Variants in DMRTC1 observed in about 807,000 individuals in gnomAD.
The protein encoded by DMRTC1 is doublesex- and mab-3-related transcription factor C1.
For missense variants in DMRTC1, 9 were observed against 34.6 expected (o/e 0.26, Z 1.86); for synonymous variants, 7 against 14.1 (o/e 0.50, Z 1.13).
intron 4 of DMRTC1, 99 bp downstream of exon 4, chrX:72,874,724 CCT>C: frequency 7.2e-6 from 2 of 279,312 alleles, no homozygotes; most frequent in Non-Finnish European, 1.1e-5. Flanking sequence ...TCCACCACCT[CCT>C]CCTCCTCCTC....
At chrX:72,874,619 C>T (rs1305600518) in intron 4 of DMRTC1, among the ~76,000 whole-genome samples, 7 of 96,019 alleles carry the variant, frequency 7.3e-5, no homozygotes, top group African/African-American at 2.4e-4. Flanking sequence ...TGTCCTCGCC[C>T]GTTAGTATTA....
chrX:72,905,751 C>T (rs1385439568), intron 1 of DMRTC1, among the ~76,000 whole-genome samples: 19 of 63,581 alleles, frequency 3.0e-4, no homozygotes, highest in African/African-American at 1.2e-3. Context: ...CCACCCGCCT[C>T]GGCCTCCCAG....
chrX:72,879,147 GTT>G (rs781972795), intron 1 of DMRTC1, among the ~76,000 whole-genome samples: 378 of 12,786 alleles, frequency 0.03, 6 homozygotes, highest in Middle Eastern at 0.083. Flanking sequence ...TTTTTTGTTT[GTT>G]TTTTTTTTTT....
chrX:72,872,672 G>C, intron 6 of DMRTC1, 108 bp from the exon 7 acceptor site: 1 of 979,944 alleles, frequency 1.0e-6, no homozygotes, highest in South Asian at 2.4e-5. Context: ...CTGGACTGTT[G>C]CATAGACCTC....
intron 1 of DMRTC1, chrX:72,913,127 G>C (rs1445709919): frequency 2.8e-5 from 14 of 494,520 alleles, no homozygotes; most frequent in South Asian, 1.1e-4. Flanking sequence ...GCCTCTGCCT[G>C]TCTCACTGGC....
At chrX:72,880,684 T>TTTTC (rs1368052263) in intron 1 of DMRTC1, among the ~76,000 whole-genome samples, 1 of 8,901 alleles carries the variant, frequency 1.1e-4, no homozygotes, top group African/African-American at 2.4e-4. Context: ...GCTTTTTCTC[T>TTTTC]TTTCTTTCTT....
chrX:72,916,475 C>T (rs1326229848), intron 1 of DMRTC1, among the ~76,000 whole-genome samples: 3 of 102,022 alleles, frequency 2.9e-5, no homozygotes, highest in South Asian at 4.5e-4. Context: ...CAGGGTTCCC[C>T]GGTAACAGGG....
rs1207395644 is a variant in DMRTC1, at chrX:72,880,696, C to CTT, written c.-94-4910_-94-4909dup. 1.5e-3 allele frequency among the ~76,000 whole-genome samples: 5 copies of CTT among 3,363 alleles called. 2 individuals are homozygous for CTT. The highest frequency in any genetic ancestry group is 5.7e-3 in the Non-Finnish European group (5 of 878). The allele number at this position is 3,363 out of a possible 115,157, so 2.9% of individuals were successfully genotyped here. A position where few individuals can be genotyped will look rare whatever the true frequency, so the allele number is the denominator to read the frequency against. On this transcript the variant is annotated intron_variant, in intron 1 of 6. Transcript: ENST00000615063. ...TTTGCTTTTTCTCTTTTCTTTCTTTCTTTTTTTTTTTTTTTTTGACGGAGT... is the reference window on the plus strand; with the variant it reads ...TTTGCTTTTTCTCTTTTCTTTCTTTCTTTTTTTTTTTTTTTTTTTGACGGAGT...
chrX:72,912,847 G>A, intron 1 of DMRTC1: 1 of 479,943 alleles, frequency 2.1e-6, no homozygotes, highest in Non-Finnish European at 3.7e-6. Context: ...CATGGAAGAG[G>A]GCCGGAGATG....
chrX:72,876,865 C>CTTT lies in DMRTC1; in HGVS notation c.-94-1080_-94-1078dup, dbSNP rs5902714. Among the ~76,000 whole-genome samples the CTTT allele has an allele frequency of 5.2e-4, 17 of 32,641 alleles. 4 individuals carry two copies. The highest frequency in any genetic ancestry group is 3.2e-3 in the African/African-American group (15 of 4,727). 28.3% of individuals were successfully genotyped at this position (32,641 alleles called of 115,157 possible). A position where few individuals can be genotyped will look rare whatever the true frequency, so the allele number is the denominator to read the frequency against. The stretch of plus-strand genomic sequence containing the variant: ...CATCCCTTCATGCATCCCCCCCGGC[C>CTTT]TTTTTTTTTTTTTTTTTTTTTGAGA... On this transcript the variant is annotated intron_variant, in intron 1 of 6. Transcript: ENST00000615063.
At chrX:72,881,839 C>T (rs1447942502) in intron 1 of DMRTC1, among the ~76,000 whole-genome samples, 3 of 102,382 alleles carry the variant, frequency 2.9e-5, no homozygotes, top group African/African-American at 7.0e-5. Context: ...ACTTTGGGTA[C>T]GAATATTAAG....
intron 1 of DMRTC1, among the ~76,000 whole-genome samples, chrX:72,879,585 A>G (rs1191940480): frequency 2.7e-4 from 21 of 76,519 alleles, no homozygotes; most frequent in African/African-American, 9.2e-4. Flanking sequence ...TGGATCAGTT[A>G]TGGGAGAATC....
At chrX:72,922,412 GA>G (rs1391752393) in intron 1 of DMRTC1, among the ~76,000 whole-genome samples, 4 of 8,750 alleles carry the variant, frequency 4.6e-4, no homozygotes, top group Admixed American at 2.1e-3. Flanking sequence ...TCGTGGAAAT[GA>G]AACAACATGC....
intron 1 of DMRTC1, among the ~76,000 whole-genome samples, chrX:72,916,217 C>T (rs1352454234): frequency 3.7e-5 from 4 of 106,957 alleles, no homozygotes; most frequent in African/African-American, 7.7e-5. Flanking sequence ...TTCCACCATC[C>T]GGATCAAGGT....
At chrX:72,913,226 C>G in intron 1 of DMRTC1, 1 of 899,981 alleles carries the variant, frequency 1.1e-6, no homozygotes, top group Non-Finnish European at 1.6e-6. Context: ...CGAGGGTCCA[C>G]TTGTCACTCT....
At chrX:72,880,092 T>C (rs2054841786) in intron 1 of DMRTC1, among the ~76,000 whole-genome samples, 1 of 15,245 alleles carries the variant, frequency 6.6e-5, no homozygotes, top group Non-Finnish European at 1.4e-4. Context: ...GGTTTCTCCA[T>C]GTTGCCCAGG....
intron 1 of DMRTC1, among the ~76,000 whole-genome samples, chrX:72,887,052 G>T: frequency 1.4e-5 from 1 of 69,638 alleles, no homozygotes; most frequent in Non-Finnish European, 2.5e-5. Context: ...TAAGTTCAGA[G>T]ATACATGTGC....
At chrX:72,886,983 T>A (rs1382344966) in intron 1 of DMRTC1, among the ~76,000 whole-genome samples, 2 of 108,808 alleles carry the variant, frequency 1.8e-5, no homozygotes, top group Non-Finnish European at 3.8e-5. Context: ...AGATACTTTT[T>A]TTTTTTTGTA....
chrX:72,916,268 A>G (rs1163516962), intron 1 of DMRTC1, among the ~76,000 whole-genome samples: 1 of 109,114 alleles, frequency 9.2e-6, no homozygotes, highest in Non-Finnish European at 1.9e-5. Context: ...TCGCCAGCAC[A>G]AGAGGGAGCC....
Sources: gnomAD v4.1 joint callset for allele counts (sites outside exome capture counted in the v4.1 genomes callset) on GRCh38, gnomAD v4.1.1 for gene constraint, MANE v1.5 for transcripts, NCBI Gene and HGNC (gene_info 2026-07-23, HGNC 2026-07-21) for gene names.